Variants in DVL2 observed in about 807,000 individuals in gnomAD.
The protein encoded by DVL2 is segment polarity protein dishevelled homolog DVL-2.
In DVL2, 38 loss-of-function variants were observed where a neutral mutation model predicts 69.8. That is an observed-to-expected ratio of 0.54 (90% CI 0.42 to 0.71). The LOEUF (loss-of-function observed/expected upper bound fraction) is 0.71. Ranked by LOEUF, DVL2 falls within the 30% of genes least tolerant of loss-of-function variation. The pLI is 0.00. For missense variants in DVL2, 931 were observed against 1,008.1 expected (o/e 0.92, Z 1.04); for synonymous variants, 428 against 392.4 (o/e 1.09, Z -1.07).
chr17:7,227,616 T>A, intron 11 of DVL2, 39 bp downstream of exon 11: 2 of 1,614,102 alleles, frequency 1.2e-6, no homozygotes. Context: ...GGGACAGCCT[T>A]CTGCTGGGAG....
At chr17:7,226,875 G>A in intron 13 of DVL2, 1 of 632,970 alleles carries the variant, frequency 1.6e-6, no homozygotes, top group East Asian at 2.8e-5. Flanking sequence ...CCTTCCCCCG[G>A]TGGACACAGT....
rs768855231 is a variant in DVL2 at position 7,234,255 on chromosome 17, C to T, written c.8G>A (p.Gly3Asp). MA[G>D]SSTGGGGVGE... ...AACCCCACCGCCCCCAGTGCTGCTA[C>T]CCGCCATGGTCTCGCCCGCGCGCTC... The change falls in exon 1 of 15, where the codon GGT becomes GAT. Residue 3 changes from glycine (G) to aspartate (D), a missense_variant. By Grantham distance (94) the Gly-to-Asp change is moderately conservative. Coordinates refer to ENST00000005340, the MANE Select transcript of DVL2 (RefSeq NM_004422.3). 5 of 1,606,648 alleles carry T rather than the reference C, an allele frequency of 3.1e-6. 1 individual carries two copies. In the South Asian group the frequency reaches 4.4e-5, roughly 14 times the overall value.
chr17:7,225,792 G>A lies in DVL2; in HGVS notation c.*73C>T, dbSNP rs2071434563. On this transcript the variant is annotated 3_prime_UTR_variant, in exon 15 of 15. Coordinates refer to ENST00000005340, the MANE Select transcript of DVL2 (RefSeq NM_004422.3). ...GGTAGGCTGAGCCCAGGCACTGTAA[G>A]AGCAAGCACATGACGGCCAGGACAC... 7.4e-7 allele frequency: 1 copy of A among 1,354,914 alleles called. No homozygotes were observed. Among genetic ancestry groups the A allele is most frequent in the African/African-American group, 1.4e-5 (1 of 70,080 alleles). The allele number at this position is 1,354,914 out of a possible 1,614,324, so 83.9% of individuals were successfully genotyped here.
chr17:7,227,900 C>G, intron 10 of DVL2, 77 bp downstream of exon 10: 4 of 1,572,452 alleles, frequency 2.5e-6, no homozygotes, highest in Non-Finnish European at 3.5e-6. Context: ...ACCCATTCCC[C>G]ATGACCACAG....
Position 7,229,109 on chromosome 17 carries a change from A to G in DVL2, c.957+26T>C, listed in dbSNP as rs2071501385. Reference sequence around the variant, plus strand: ...GAGGCTGAGGGCCCCCGTGCAGGGCAGCTCAGTGGCCCTACCCCAGCACAC... The same window carrying G: ...GAGGCTGAGGGCCCCCGTGCAGGGCGGCTCAGTGGCCCTACCCCAGCACAC... On this transcript the variant is annotated intron_variant, in intron 8 of 14. Coordinates refer to ENST00000005340, the MANE Select transcript of DVL2 (RefSeq NM_004422.3). This position sits in a 1 kb window ranked among gnomAD's most constrained non-coding sequence, Gnocchi z 4.4. The G allele has an allele frequency of 6.2e-7, 1 of 1,613,880 alleles. No homozygotes were observed. The highest frequency in any genetic ancestry group is 1.7e-5 in the Admixed American group (1 of 60,008).
chr17:7,230,419 T>C lies in DVL2; in HGVS notation c.276A>G (p.Ser92=). The change falls in exon 3 of 15, where the codon TCA becomes TCG. Residue 92 remains serine, a synonymous_variant. Coordinates refer to ENST00000005340, the MANE Select transcript of DVL2 (RefSeq NM_004422.3). ...NGRVVSWLVS[S]DNPQPEMAPP... The stretch of plus-strand genomic sequence containing the variant: ...GGGCCATCTCGGGTTGGGGATTATC[T>C]GAGGACACCAGCTAGAAGGGTGCAA... 6.2e-7 allele frequency: 1 copy of C among 1,614,082 alleles called. No individual in the cohort carries two copies. The highest frequency in any genetic ancestry group is 8.5e-7 in the Non-Finnish European group (1 of 1,180,006).
Position 7,234,356 on chromosome 17 carries a change from G to A in DVL2, c.-94C>T. 1 of 1,428,922 alleles carries A rather than the reference G, an allele frequency of 7.0e-7. No homozygotes were observed. Among genetic ancestry groups the A allele is most frequent in the Non-Finnish European group, 9.6e-7 (1 of 1,046,886 alleles). 88.5% of individuals were successfully genotyped at this position (1,428,922 alleles called of 1,614,324 possible). A position where few individuals can be genotyped will look rare whatever the true frequency, so the allele number is the denominator to read the frequency against. ...CACACCCGCAAACCGACGCGCGAGC[G>A]CGGACAGGACTGACCCAGTACGGGA... On this transcript the variant is annotated 5_prime_UTR_variant, in exon 1 of 15. Coordinates refer to ENST00000005340, the MANE Select transcript of DVL2 (RefSeq NM_004422.3).
At position 7,227,767 on chromosome 17, in the gene DVL2, T is replaced by C. The variant is rs2142992415; in HGVS notation, c.1119A>G (p.Pro373=). 2 of 1,580,446 alleles carry C rather than the reference T, an allele frequency of 1.3e-6. No homozygotes were observed. The highest frequency in any genetic ancestry group is 2.3e-5 in the South Asian group (2 of 87,408). ...GGGACACCCAGGCAGCAGGGTCAAT[T>C]GGCTGGATGGGCTCATCTGGGACAA... ...FTLPRNEPIQ[P]IDPAAWVSHS... The change falls in exon 11 of 15, where the codon CCA becomes CCG. Residue 373 remains proline (P), a synonymous_variant. Coordinates refer to ENST00000005340, the MANE Select transcript of DVL2 (RefSeq NM_004422.3).
Position 7,225,420 on chromosome 17 carries a change from C to T in DVL2, c.*445G>A. ...AGAGTAACAAAGGCAGCTACATGGC[C>T]CAAATCTCCCAGCTTCCTCAGGCTG... On this transcript the variant is annotated 3_prime_UTR_variant, in exon 15 of 15. Transcript: ENST00000005340. 2.2e-6 allele frequency: 1 copy of T among 452,664 alleles called. No individual in the cohort carries two copies. The highest frequency in any genetic ancestry group is 2.2e-5 in the South Asian group (1 of 45,816). The allele number at this position is 452,664 out of a possible 1,614,324, so 28.0% of individuals were successfully genotyped here.
chr17:7,228,180 G>A (rs759343637), intron 9 of DVL2, 136 bp from the exon 10 acceptor site: 70 of 677,552 alleles, frequency 1.0e-4, no homozygotes, highest in Non-Finnish European at 1.6e-4. Context: ...TAGAGAAGGT[G>A]AGGGTGGAAG....
At position 7,225,381 on chromosome 17, in the gene DVL2, T is replaced by G; in HGVS notation, c.*484A>C. On this transcript the variant is annotated 3_prime_UTR_variant, in exon 15 of 15. Transcript: ENST00000005340. ...TGCTTTATTTGGTGTTTTATACAAG[T>G]GACTAAAATAAATAGAGTAACAAAG... 1.9e-6 allele frequency: 1 copy of G among 521,154 alleles called. No individual in the cohort carries two copies. Among genetic ancestry groups the G allele is most frequent in the South Asian group, 2.1e-5 (1 of 47,802 alleles). 32.3% of individuals were successfully genotyped at this position (521,154 alleles called of 1,614,324 possible).
intron 3 of DVL2, 23 bp from the exon 4 acceptor site, chr17:7,230,178 C>CG: frequency 6.2e-7 from 1 of 1,612,382 alleles, no homozygotes; most frequent in Non-Finnish European, 8.5e-7. Flanking sequence ...AGATGGTTTC[C>CG]AACCCACATC....
chr17:7,228,932 A>G lies in DVL2; in HGVS notation c.1034+37T>C, dbSNP rs2071498841. 3 of 1,598,556 alleles carry G rather than the reference A, an allele frequency of 1.9e-6. No individual in the cohort carries two copies. The Admixed American group carries it at 5.0e-5, about 27-fold the overall frequency. ...AACAAAACATGAAAGAGAAAAAAAAAGAGGACTGAGGACCGGCAACCTGCT... is the reference window on the plus strand; with the variant it reads ...AACAAAACATGAAAGAGAAAAAAAAGGAGGACTGAGGACCGGCAACCTGCT... On this transcript the variant is annotated intron_variant, in intron 9 of 14. Coordinates refer to ENST00000005340, the MANE Select transcript of DVL2 (RefSeq NM_004422.3).
rs2071488045 is a variant in DVL2, at chr17:7,228,219, T to TG, written c.1035-176dup. 4 of 560,644 alleles carry TG rather than the reference T, an allele frequency of 7.1e-6. No individual in the cohort carries two copies. The East Asian group carries it at 1.2e-4, about 16-fold the overall frequency. 34.7% of individuals were successfully genotyped at this position (560,644 alleles called of 1,614,324 possible). A position where few individuals can be genotyped will look rare whatever the true frequency, so the allele number is the denominator to read the frequency against. On this transcript the variant is annotated intron_variant, in intron 9 of 14. Transcript: ENST00000005340. ...CCACAATGTGGATGACTCATCAACA[T>TG]GGAAAACTCTTAAAAACATACTGCC...
rs536462230 is a variant in DVL2, at chr17:7,226,176, C to A, written c.1900G>T (p.Gly634Cys). 3.1e-6 allele frequency: 5 copies of A among 1,611,904 alleles called. No homozygotes were observed. The highest frequency in any genetic ancestry group is 4.2e-6 in the Non-Finnish European group (5 of 1,179,326). The stretch of plus-strand genomic sequence containing the variant: ...TCGCTAGTCCCACTTGCTTCCCCAC[C>A]CCGCCGAAGGCTGCCCCCTCGGCTG... The part of the protein sequence containing the change: ...PSSRGGSLRR[G>C]GEASGTSDGG... Residue 634 changes from glycine to cysteine, a missense_variant, in exon 15 of 15, where the codon GGT (glycine) becomes TGT (cysteine). Gly to Cys is a radical substitution (Grantham distance 159). Around this residue, in one of 3 missense-constraint regions of DVL2, gnomAD observed 314 missense variants for 313.7 expected, o/e 1.00. Transcript: ENST00000005340.
Position 7,226,217 on chromosome 17 carries a change from C to T in DVL2, c.1859G>A (p.Ser620Asn), listed in dbSNP as rs201103337. The T allele has an allele frequency of 3.7e-5, 59 of 1,612,428 alleles. No homozygotes were observed. The highest frequency in any genetic ancestry group is 4.8e-5 in the Non-Finnish European group (57 of 1,179,784). Residue 620 changes from serine (S) to asparagine (N), a missense_variant, in exon 15 of 15, where the codon AGT becomes AAT. Transcript: ENST00000005340. ...CCCTCGGCTGGAGGGCTCAGACTCA[C>T]TGCCACTGCCGGACTTGGACTCGGG... ...RAPESKSGSG[S>N]ESEPSSRGGS...
At position 7,228,900 on chromosome 17, in the gene DVL2, A is replaced by T. The variant is rs1330126627; in HGVS notation, c.1034+69T>A. 5 of 1,548,858 alleles carry T rather than the reference A, an allele frequency of 3.2e-6. No homozygotes were observed. In the African/African-American group the frequency reaches 6.8e-5, roughly 21 times the overall value. The stretch of plus-strand genomic sequence containing the variant: ...CCCGGCTGTCTTAGTACTTATTAAA[A>T]TTCCAAAACAAAACATGAAAGAGAA... On this transcript the variant is annotated intron_variant, in intron 9 of 14. Coordinates refer to ENST00000005340, the MANE Select transcript of DVL2 (RefSeq NM_004422.3).
intron 2 of DVL2, 134 bp from the exon 3 acceptor site, chr17:7,230,564 CAGA>C: frequency 1.2e-5 from 17 of 1,378,240 alleles, no homozygotes; most frequent in Non-Finnish European, 1.7e-5. Context: ...TTAGAGACTC[CAGA>C]AGGAGAAGGC....
chr17:7,231,371 G>A (rs1252105512), intron 1 of DVL2, among the ~76,000 whole-genome samples: 4 of 150,358 alleles, frequency 2.7e-5, no homozygotes, highest in East Asian at 2.0e-4. Context: ...GCTGAGATGG[G>A]AGAGTCGCTT....
Sources: allele counts gnomAD v4.1 joint callset (sites outside exome capture counted in the v4.1 genomes callset), GRCh38; gene constraint gnomAD v4.1.1; regional missense constraint gnomAD v4.1.1; non-coding constraint Gnocchi (gnomAD v3.1); transcripts MANE v1.5; gene names NCBI Gene and HGNC (gene_info 2026-07-23, HGNC 2026-07-21).